FSTL5: variants seen among roughly 807,000 people sequenced by gnomAD.
FSTL5 encodes the protein follistatin-related protein 5.
FSTL5 carries 62 observed loss-of-function variants against 89.1 expected under a neutral mutation model. The observed-to-expected ratio is 0.70, with a 90% CI of 0.57 to 0.86. The LOEUF (loss-of-function observed/expected upper bound fraction) is 0.86. Ranked by LOEUF, FSTL5 falls within the 40% of genes least tolerant of loss-of-function variation. The pLI is 0.00. For missense variants in FSTL5, 1,057 were observed against 1,001.6 expected (o/e 1.06, Z -0.75); for synonymous variants, 383 against 346.2 (o/e 1.11, Z -1.18).
intron 8 of FSTL5, among the ~76,000 whole-genome samples, chr4:161,556,640 ATTG>A (rs1273038773): frequency 6.6e-6 from 1 of 151,448 alleles, no homozygotes; most frequent in Non-Finnish European, 1.5e-5. Flanking sequence ...TCACGACAAT[ATTG>A]TTGAAGATCT....
chr4:161,811,634 A>G (rs769639732), intron 4 of FSTL5, among the ~76,000 whole-genome samples: 3 of 152,092 alleles, frequency 2.0e-5, no homozygotes, highest in Non-Finnish European at 4.4e-5. Context: ...CTTGTTGATT[A>G]TATCAAGCGG....
chr4:161,947,637 T>C (rs933482712), intron 3 of FSTL5, among the ~76,000 whole-genome samples: 1 of 152,178 alleles, frequency 6.6e-6, no homozygotes, highest in Admixed American at 6.5e-5. Context: ...TGGAGTCAGA[T>C]AATATGAGGG....
At chr4:161,716,409 CA>C (rs1738984358) in intron 6 of FSTL5, among the ~76,000 whole-genome samples, 2 of 152,008 alleles carry the variant, frequency 1.3e-5, no homozygotes, top group African/African-American at 4.8e-5. Flanking sequence ...ACAGCCTGGC[CA>C]ACATGGCAAA....
chr4:161,752,578 C>T (rs1222557161), intron 6 of FSTL5, among the ~76,000 whole-genome samples: 1 of 152,094 alleles, frequency 6.6e-6, no homozygotes, highest in African/African-American at 2.4e-5. Flanking sequence ...AATCTAGTGG[C>T]CAAGAAGACT....
intron 6 of FSTL5, among the ~76,000 whole-genome samples, chr4:161,702,082 CT>C (rs1738411402): frequency 6.6e-6 from 1 of 151,964 alleles, no homozygotes; most frequent in Non-Finnish European, 1.5e-5. Flanking sequence ...TTAATGGGAC[CT>C]TAAAAATCTA....
intron 6 of FSTL5, among the ~76,000 whole-genome samples, chr4:161,748,556 A>C (rs1369761890): frequency 1.3e-5 from 2 of 151,600 alleles, no homozygotes; most frequent in Non-Finnish European, 2.9e-5. Context: ...AGCTCCCTAA[A>C]GCTGTTTCAC....
chr4:162,019,783 T>C (rs1737018970), intron 3 of FSTL5, among the ~76,000 whole-genome samples: 1 of 151,408 alleles, frequency 6.6e-6, no homozygotes, highest in Admixed American at 6.6e-5. Flanking sequence ...TGTGTGTGTG[T>C]GTGTGTGTAT....
At chr4:161,874,799 G>C (rs17041705) in intron 4 of FSTL5, among the ~76,000 whole-genome samples, 2,285 of 151,870 alleles carry the variant, frequency 0.015, 65 homozygotes, top group African/African-American at 0.053. Context: ...TGTATTTTAG[G>C]CATAAATTCC....
Position 162,149,738 on chromosome 4 carries a change from T to C in FSTL5, c.-17+13877A>G, listed in dbSNP as rs559451542. On this transcript the variant is annotated intron_variant, in intron 1 of 15. Transcript: ENST00000306100. ...GTGTGTGTATATGTATATATGTATA[T>C]ATATAAGCACACACATATAGCGTGC... Among the ~76,000 whole-genome samples the C allele has an allele frequency of 1.5e-4, 23 of 152,262 alleles. 1 individual carries two copies. In the South Asian group the frequency reaches 4.8e-3, roughly 32 times the overall value.
chr4:161,833,406 G>A, intron 4 of FSTL5, among the ~76,000 whole-genome samples: 1 of 142,212 alleles, frequency 7.0e-6, no homozygotes, highest in Non-Finnish European at 1.5e-5. Flanking sequence ...TCCTCTTGGT[G>A]CAGAGCTGAG....
At chr4:161,998,247 T>A (rs1736358920) in intron 3 of FSTL5, among the ~76,000 whole-genome samples, 1 of 152,194 alleles carries the variant, frequency 6.6e-6, no homozygotes, top group African/African-American at 2.4e-5. Flanking sequence ...TTTCTTTTTT[T>A]TATTGTAAAT....
At chr4:161,429,210 A>T (rs1466565087) in intron 15 of FSTL5, among the ~76,000 whole-genome samples, 1 of 152,116 alleles carries the variant, frequency 6.6e-6, no homozygotes, top group South Asian at 2.1e-4. Flanking sequence ...TAGGGCACCA[A>T]GCAGATTCCT....
intron 2 of FSTL5, among the ~76,000 whole-genome samples, chr4:162,041,566 T>C (rs1737960041): frequency 6.6e-6 from 1 of 152,168 alleles, no homozygotes; most frequent in Non-Finnish European, 1.5e-5. Flanking sequence ...AATATTTTGA[T>C]GTGAAGTTAT....
intron 15 of FSTL5, among the ~76,000 whole-genome samples, chr4:161,447,530 C>G (rs1187487030): frequency 6.6e-6 from 1 of 152,072 alleles, no homozygotes; most frequent in East Asian, 1.9e-4. Context: ...GGGAAGCAGA[C>G]AGGGTTCTCT....
At position 161,647,323 on chromosome 4, in the gene FSTL5, G is replaced by A. The variant is rs989671608; in HGVS notation, c.894+9005C>T. Among the ~76,000 whole-genome samples the A allele has an allele frequency of 1.1e-4, 16 of 152,104 alleles. 1 individual carries two copies. The highest frequency in any genetic ancestry group is 6.5e-4 in the Admixed American group (10 of 15,270). ...TCAATTGAACATCTATGCACAAACC[G>A]TGTATATTGTTCCATAGGTCAATAT... On this transcript the variant is annotated intron_variant, in intron 7 of 15. Transcript: ENST00000306100.
rs3969142 is a variant in FSTL5, at chr4:161,702,622, A to T, written c.728-46128T>A. The stretch of plus-strand genomic sequence containing the variant: ...GCTAACAAATACACACTTTTCTCCC[A>T]GGTTGCCACAGCTGTAGAATGCTTT... On this transcript the variant is annotated intron_variant, in intron 6 of 15. Transcript: ENST00000306100. Among the ~76,000 whole-genome samples the T allele has an allele frequency of 5.9e-3, 895 of 152,284 alleles. 13 individuals are homozygous for T. The highest frequency in any genetic ancestry group is 0.046 in the South Asian group (223 of 4,828).
chr4:162,155,853 C>T (rs35116735), intron 1 of FSTL5, among the ~76,000 whole-genome samples: 115,190 of 151,708 alleles, frequency 0.76, 44,102 homozygotes, highest in Non-Finnish European at 0.81. Flanking sequence ...GAAAAGCAGG[C>T]TGACTACTTG....
Position 161,459,467 on chromosome 4 carries a change from GAAA to G in FSTL5, c.1609-151_1609-149del, listed in dbSNP as rs1733484747. ...TTTCCTTAGCCCTTATTTGATATTTGAAAATATCATACTTTACTCATGTATATT... is the reference window on the plus strand; with the variant it reads ...TTTCCTTAGCCCTTATTTGATATTTGATATCATACTTTACTCATGTATATT... On this transcript the variant is annotated intron_variant, in intron 13 of 15. Coordinates refer to ENST00000306100, the MANE Select transcript of FSTL5 (RefSeq NM_020116.5). 4 of 526,716 alleles carry G rather than the reference GAAA, an allele frequency of 7.6e-6. No individual in the cohort carries two copies. In the African/African-American group the frequency reaches 7.6e-5, roughly 10 times the overall value. 32.6% of individuals were successfully genotyped at this position (526,716 alleles called of 1,614,324 possible).
intron 3 of FSTL5, among the ~76,000 whole-genome samples, chr4:161,928,699 G>C (rs1734197458): frequency 2.0e-5 from 3 of 151,636 alleles, no homozygotes. Flanking sequence ...TCATATGTTT[G>C]TTTACCATTT....
Sources: allele counts gnomAD v4.1 joint callset (sites outside exome capture counted in the v4.1 genomes callset), GRCh38; gene constraint gnomAD v4.1.1; transcripts MANE v1.5; gene names NCBI Gene and HGNC (gene_info 2026-07-23, HGNC 2026-07-21).